The following UMAD1 variants were observed in gnomAD, a reference collection of about 807,000 sequenced individuals.
The protein encoded by UMAD1 is UBAP1-MVB12-associated (UMA) domain containing 1.
Under a neutral mutation model 6.1 loss-of-function variants are expected in UMAD1, and 8 were observed. The observed-to-expected ratio is 1.30, with a 90% CI of 0.76 to 2.35. The LOEUF (loss-of-function observed/expected upper bound fraction) is 2.35. Ranked by LOEUF, UMAD1 falls within the 30% of genes most tolerant of loss-of-function variation. The probability of loss-of-function intolerance (pLI) is 0.00; values close to 1 mark genes in which losing one functional copy is unlikely to be tolerated. For missense variants in UMAD1, 130 were observed against 78.4 expected (o/e 1.66, Z -2.49); for synonymous variants, 56 against 31.4 (o/e 1.78, Z -2.61).
chr7:7,817,141 T>G (rs1388660224), intron 3 of UMAD1, among the ~76,000 whole-genome samples: 1 of 152,216 alleles, frequency 6.6e-6, no homozygotes, highest in East Asian at 1.9e-4. Flanking sequence ...CTGAAGAACT[T>G]TATCCCATAC....
At chr7:7,688,214 T>C (rs1485960154) in intron 2 of UMAD1, among the ~76,000 whole-genome samples, 3 of 152,202 alleles carry the variant, frequency 2.0e-5, no homozygotes, top group East Asian at 3.8e-4. Context: ...AGAATTACTT[T>C]TTTAGATGTT....
In UMAD1 at chr7:7,761,027, G is replaced by A. The variant is rs553769845; in HGVS notation, c.83-40643G>A. On this transcript the variant is annotated intron_variant, in intron 2 of 3. Coordinates refer to ENST00000682710, the MANE Select transcript of UMAD1 (RefSeq NM_001302348.2). ...GGAAAATAGATAGGAAATACTGTGG[G>A]CAGGACCACCACTGACCTGCTTAGT... is the stretch of plus-strand genomic sequence containing the variant. 1.8e-4 allele frequency among the ~76,000 whole-genome samples: 27 copies of A among 152,226 alleles called. No homozygotes were observed. The South Asian group carries it at 4.8e-3, about 27-fold the overall frequency.
chr7:7,818,937 C>T (rs1320823261), intron 3 of UMAD1, among the ~76,000 whole-genome samples: 5 of 152,194 alleles, frequency 3.3e-5, no homozygotes, highest in Non-Finnish European at 7.3e-5. Flanking sequence ...GCAGTCTCCA[C>T]CTCCCAGGTC....
At chr7:7,755,250 G>T (rs1781755470) in intron 2 of UMAD1, among the ~76,000 whole-genome samples, 2 of 152,144 alleles carry the variant, frequency 1.3e-5, no homozygotes, top group Admixed American at 1.3e-4. Flanking sequence ...GTCTTGTTTA[G>T]TGTCTCATTT....
intron 3 of UMAD1, among the ~76,000 whole-genome samples, chr7:7,864,269 T>A (rs957094820): frequency 6.6e-6 from 1 of 152,188 alleles, no homozygotes; most frequent in Non-Finnish European, 1.5e-5. Context: ...ACCAAACTTC[T>A]AAATAAAGAT....
At chr7:7,811,056 A>C (rs1289023468) in intron 3 of UMAD1, among the ~76,000 whole-genome samples, 1 of 152,210 alleles carries the variant, frequency 6.6e-6, no homozygotes, top group Non-Finnish European at 1.5e-5. Flanking sequence ...ATGTCATTGA[A>C]TCACTTATAA....
At chr7:7,760,515 C>G (rs934529606) in intron 2 of UMAD1, among the ~76,000 whole-genome samples, 1 of 151,450 alleles carries the variant, frequency 6.6e-6, no homozygotes, top group African/African-American at 2.4e-5. Flanking sequence ...CAACCAAAGC[C>G]AAAGTGAGGG....
In UMAD1 at chr7:7,742,911, T is replaced by C. The variant is rs968514514; in HGVS notation, c.83-58759T>C. ...GCTGTATGTTCAAAATATCATCATG[T>C]TAAGGTAATAATTTTCAGTGTATTA... is the stretch of plus-strand genomic sequence containing the variant. On this transcript the variant is annotated intron_variant, in intron 2 of 3. Coordinates refer to ENST00000682710, the MANE Select transcript of UMAD1 (RefSeq NM_001302348.2). 5.3e-5 allele frequency among the ~76,000 whole-genome samples: 8 copies of C among 152,188 alleles called. No individual in the cohort carries two copies. In the East Asian group the frequency reaches 1.3e-3, roughly 26 times the overall value.
At chr7:7,674,768 G>A (rs1187477587) in intron 2 of UMAD1, among the ~76,000 whole-genome samples, 1 of 152,142 alleles carries the variant, frequency 6.6e-6, no homozygotes, top group Non-Finnish European at 1.5e-5. Context: ...CTTGAAAGCT[G>A]CCAGTGTTAC....
rs552483478 is a variant in UMAD1 at position 7,646,601 on chromosome 7, C to G, written c.-64+5780C>G. 1.2e-4 allele frequency among the ~76,000 whole-genome samples: 18 copies of G among 150,908 alleles called. No homozygotes were observed. In the South Asian group the frequency reaches 3.8e-3, roughly 32 times the overall value. On this transcript the variant is annotated intron_variant, in intron 1 of 3. Coordinates refer to ENST00000682710, the MANE Select transcript of UMAD1 (RefSeq NM_001302348.2). The stretch of plus-strand genomic sequence containing the variant: ...ACGTGGAACTGTGAGTCCATTAAAC[C>G]CCTTTTTCTTTATAAATTACCCAGT...
chr7:7,864,806 T>A (rs531033770), intron 3 of UMAD1, among the ~76,000 whole-genome samples: 4 of 152,184 alleles, frequency 2.6e-5, no homozygotes, highest in Non-Finnish European at 4.4e-5. Context: ...GAACCAACCA[T>A]GTAATTAGAG....
intron 2 of UMAD1, among the ~76,000 whole-genome samples, chr7:7,784,923 C>T (rs6946666): frequency 0.04 from 6,047 of 151,882 alleles, 415 homozygotes; most frequent in African/African-American, 0.14. Context: ...CCACCTCGCC[C>T]GGCTAATTTT....
intron 3 of UMAD1, among the ~76,000 whole-genome samples, chr7:7,847,101 AAAAATATATATATATAT>A (rs1425320086): frequency 5.3e-4 from 17 of 32,206 alleles, no homozygotes; most frequent in African/African-American, 1.5e-3. Context: ...AAAAAAAAAA[AAAAATATATATATATAT>A]ATATATATAT....
chr7:7,826,114 G>A (rs1351847583), intron 3 of UMAD1, among the ~76,000 whole-genome samples: 1 of 152,070 alleles, frequency 6.6e-6, no homozygotes, highest in Non-Finnish European at 1.5e-5. Flanking sequence ...TGAACCTAAG[G>A]ATACAGAGGG....
At chr7:7,856,154 A>G (rs779533273) in intron 3 of UMAD1, among the ~76,000 whole-genome samples, 1 of 152,142 alleles carries the variant, frequency 6.6e-6, no homozygotes, top group Non-Finnish European at 1.5e-5. Flanking sequence ...CCATTACCCA[A>G]TTCCAAAGTT....
chr7:7,870,031 T>C (rs1422300277), intron 3 of UMAD1, among the ~76,000 whole-genome samples: 1 of 152,130 alleles, frequency 6.6e-6, no homozygotes, highest in Non-Finnish European at 1.5e-5. Context: ...GGAGGAACAG[T>C]GCCTGTAAAC....
intron 1 of UMAD1, among the ~76,000 whole-genome samples, chr7:7,657,953 G>T (rs992694257): frequency 6.6e-6 from 1 of 152,182 alleles, no homozygotes; most frequent in Non-Finnish European, 1.5e-5. Flanking sequence ...AGCATGGAAT[G>T]TTTTTCCATT....
At chr7:7,732,299 A>G (rs917213366) in intron 2 of UMAD1, among the ~76,000 whole-genome samples, 1 of 152,086 alleles carries the variant, frequency 6.6e-6, no homozygotes, top group Admixed American at 6.5e-5. Flanking sequence ...TCTATAATCA[A>G]TAAATTCTGT....
intron 2 of UMAD1, among the ~76,000 whole-genome samples, chr7:7,728,346 A>G (rs1352901922): frequency 6.6e-6 from 1 of 152,114 alleles, no homozygotes. Flanking sequence ...CAAAATTGAG[A>G]TGATAAAACC....
Sources: gnomAD v4.1 joint callset for allele counts (sites outside exome capture counted in the v4.1 genomes callset) on GRCh38, gnomAD v4.1.1 for gene constraint, MANE v1.5 for transcripts, NCBI Gene and HGNC (gene_info 2026-07-23, HGNC 2026-07-21) for gene names.